Variants in MACROD2 observed in about 807,000 individuals in gnomAD.
MACROD2 encodes the protein ADP-ribose glycohydrolase MACROD2.
Under a neutral mutation model 70.4 loss-of-function variants are expected in MACROD2, and 36 were observed. That is an observed-to-expected ratio of 0.51 (90% CI 0.39 to 0.68). The LOEUF (loss-of-function observed/expected upper bound fraction) is 0.68, where lower values mean the gene tolerates loss of function less well. MACROD2 is among the 30% of genes least tolerant of loss of function. The pLI is 0.00. For missense variants in MACROD2, 496 were observed against 538.4 expected, an observed-to-expected ratio of 0.92 and a Z score of 0.78; for synonymous variants, 172 against 178.8, an observed-to-expected ratio of 0.96 and a Z score of 0.30.
chr20:14,743,106 C>T (rs1448824799), intron 5 of MACROD2, among the ~76,000 whole-genome samples: 1 of 151,778 alleles, frequency 6.6e-6, no homozygotes, highest in Non-Finnish European at 1.5e-5. Flanking sequence ...ATTAAGAAAG[C>T]CTATAATAAA....
chr20:14,177,917 G>T (rs888272144), intron 3 of MACROD2, among the ~76,000 whole-genome samples: 2 of 152,022 alleles, frequency 1.3e-5, no homozygotes, highest in Non-Finnish European at 2.9e-5. Flanking sequence ...AAATAAAAGT[G>T]CATTTTTCTT....
At chr20:14,448,723 T>C (rs1333600093) in intron 3 of MACROD2, among the ~76,000 whole-genome samples, 1 of 151,984 alleles carries the variant, frequency 6.6e-6, no homozygotes, top group Non-Finnish European at 1.5e-5. Flanking sequence ...AAACATAACA[T>C]TGACTTTGGA....
chr20:15,259,989 T>G (rs1207983499), intron 6 of MACROD2, among the ~76,000 whole-genome samples: 3 of 151,956 alleles, frequency 2.0e-5, no homozygotes, highest in Admixed American at 2.0e-4. Context: ...CCTGAAATTT[T>G]TTTTATTTAA....
intron 8 of MACROD2, among the ~76,000 whole-genome samples, chr20:15,509,745 CA>C (rs2047474708): frequency 6.6e-6 from 1 of 152,174 alleles, no homozygotes; most frequent in East Asian, 1.9e-4. Flanking sequence ...TAGCCTTAAA[CA>C]ATTAACTCCA....
chr20:15,181,496 G>T (rs2076500303), intron 5 of MACROD2, among the ~76,000 whole-genome samples: 1 of 152,156 alleles, frequency 6.6e-6, no homozygotes, highest in African/African-American at 2.4e-5. Flanking sequence ...GTGTGTTGGG[G>T]TTATATGTCT....
chr20:14,164,446 C>T (rs1022229917), intron 3 of MACROD2, among the ~76,000 whole-genome samples: 8 of 152,016 alleles, frequency 5.3e-5, no homozygotes, highest in Admixed American at 3.3e-4. Flanking sequence ...TGCTTAGGTG[C>T]CAGGAATGGC....
At chr20:15,735,776 C>A (rs906092939) in intron 8 of MACROD2, among the ~76,000 whole-genome samples, 2 of 152,188 alleles carry the variant, frequency 1.3e-5, no homozygotes, top group African/African-American at 4.8e-5. Context: ...AAACTGACTA[C>A]CCAGGTCTCC....
chr20:14,427,107 T>G (rs1031574317), intron 3 of MACROD2, among the ~76,000 whole-genome samples: 18 of 152,146 alleles, frequency 1.2e-4, no homozygotes, highest in African/African-American at 4.3e-4. Context: ...TATTCACCCC[T>G]CATTCCTCTC....
intron 3 of MACROD2, among the ~76,000 whole-genome samples, chr20:14,431,796 G>T (rs2083997364): frequency 6.6e-6 from 1 of 152,128 alleles, no homozygotes; most frequent in South Asian, 2.1e-4. Context: ...ATCAGAGTTA[G>T]GGACAGAACC....
chr20:15,119,539 A>G (rs1316433843), intron 5 of MACROD2, among the ~76,000 whole-genome samples: 3 of 152,218 alleles, frequency 2.0e-5, no homozygotes, highest in Non-Finnish European at 2.9e-5. Context: ...ATTCAACTGC[A>G]TGACTAACAA....
chr20:14,881,536 C>T (rs1294776139), intron 5 of MACROD2, among the ~76,000 whole-genome samples: 1 of 152,024 alleles, frequency 6.6e-6, no homozygotes, highest in Non-Finnish European at 1.5e-5. Flanking sequence ...TGGCACCCCA[C>T]ACACGGCCTC....
intron 5 of MACROD2, among the ~76,000 whole-genome samples, chr20:15,169,621 GA>G (rs1020276155): frequency 6.6e-6 from 1 of 152,128 alleles, no homozygotes; most frequent in Non-Finnish European, 1.5e-5. Flanking sequence ...TTTTCTCTAA[GA>G]AGAAAAAAAT....
chr20:14,438,181 G>A (rs565424241), intron 3 of MACROD2, among the ~76,000 whole-genome samples: 2 of 152,032 alleles, frequency 1.3e-5, no homozygotes, highest in Non-Finnish European at 2.9e-5. Flanking sequence ...TTCTTTCTGT[G>A]TCTGGCTTAT....
At chr20:14,539,955 T>A (rs1247047412) in intron 4 of MACROD2, among the ~76,000 whole-genome samples, 1 of 152,188 alleles carries the variant, frequency 6.6e-6, no homozygotes, top group Non-Finnish European at 1.5e-5. Flanking sequence ...CATGTGAACA[T>A]GTTGGGATCT....
intron 3 of MACROD2, among the ~76,000 whole-genome samples, chr20:14,426,214 CCTTT>C (rs1370768201): frequency 6.6e-6 from 1 of 151,984 alleles, no homozygotes; most frequent in Non-Finnish European, 1.5e-5. Context: ...ACTGGACTGG[CCTTT>C]CTTTCTTACA....
At chr20:14,759,394 GA>G (rs2071985287) in intron 5 of MACROD2, among the ~76,000 whole-genome samples, 1 of 151,994 alleles carries the variant, frequency 6.6e-6, no homozygotes, top group Non-Finnish European at 1.5e-5. Flanking sequence ...TGTTTAGGTA[GA>G]TATTCCATGC....
intron 6 of MACROD2, among the ~76,000 whole-genome samples, chr20:15,372,666 T>C (rs759737480): frequency 6.6e-6 from 1 of 152,212 alleles, no homozygotes; most frequent in Non-Finnish European, 1.5e-5. Flanking sequence ...ACTTTGTCCA[T>C]GGAGACAGAT....
At chr20:14,410,329 C>A (rs756639723) in intron 3 of MACROD2, among the ~76,000 whole-genome samples, 3 of 151,494 alleles carry the variant, frequency 2.0e-5, no homozygotes, top group Non-Finnish European at 4.4e-5. Context: ...GATCCTGTCA[C>A]CCAGGTAGTG....
At chr20:15,057,524 T>C (rs2075496393) in intron 5 of MACROD2, among the ~76,000 whole-genome samples, 1 of 152,214 alleles carries the variant, frequency 6.6e-6, no homozygotes, top group Non-Finnish European at 1.5e-5. Flanking sequence ...TATATGGCCT[T>C]CTACTCAGAA....
Sources: allele counts gnomAD v4.1 joint callset (sites outside exome capture counted in the v4.1 genomes callset), GRCh38; gene constraint gnomAD v4.1.1; transcripts MANE v1.5; gene names NCBI Gene and HGNC (gene_info 2026-07-23, HGNC 2026-07-21).